The following EPYC variants were observed in gnomAD, a reference collection of about 807,000 sequenced individuals.
The protein encoded by EPYC is epiphycan, also known as dermatan sulfate proteoglycan 3.
EPYC carries 28 observed loss-of-function variants against 30.1 expected under a neutral mutation model. The ratio of observed to expected loss-of-function variants is 0.93; its 90% CI spans 0.69 to 1.28. EPYC has a LOEUF of 1.28. Among genes scored for constraint, EPYC ranks in the 50% most tolerant of loss-of-function variants. EPYC has a pLI of 0.00. For synonymous variants in EPYC, 144 were observed against 141.4 expected, an observed-to-expected ratio of 1.02 and a Z score of -0.13; for missense variants, 382 against 383.5, an observed-to-expected ratio of 1.00 and a Z score of 0.03.
chr12:90,983,809 T>C (rs1432228825), intron 2 of EPYC, among the ~76,000 whole-genome samples: 3 of 152,118 alleles, frequency 2.0e-5, no homozygotes, highest in Non-Finnish European at 4.4e-5. Context: ...ATAAGAATGA[T>C]TTCTAGCATA....
intron 2 of EPYC, among the ~76,000 whole-genome samples, chr12:90,997,821 C>T (rs1160684033): frequency 6.6e-6 from 1 of 152,048 alleles, no homozygotes; most frequent in African/African-American, 2.4e-5. Context: ...CTCTAGTTCA[C>T]ATTATCTACC....
intron 3 of EPYC, among the ~76,000 whole-genome samples, chr12:90,975,559 G>A (rs902024652): frequency 6.6e-6 from 1 of 151,792 alleles, no homozygotes; most frequent in Non-Finnish European, 1.5e-5. Flanking sequence ...TTCTTTAAAA[G>A]TCTTAGTTTT....
At chr12:90,980,213 C>T (rs1311760856) in intron 2 of EPYC, among the ~76,000 whole-genome samples, 1 of 152,082 alleles carries the variant, frequency 6.6e-6, no homozygotes, top group Non-Finnish European at 1.5e-5. Flanking sequence ...TGAATCTTAG[C>T]TTTATAAGAA....
At position 91,002,545 on chromosome 12, in the gene EPYC, A is replaced by C. The variant is rs1009066621; in HGVS notation, c.21T>G (p.Leu7=). 9.3e-6 allele frequency: 15 copies of C among 1,611,348 alleles called. No homozygotes were observed. Among genetic ancestry groups the C allele is most frequent in the Non-Finnish European group, 1.3e-5 (15 of 1,179,110 alleles). The change falls in exon 2 of 7, where the codon CTT becomes CTG. Residue 7 remains leucine, a synonymous_variant. Transcript: ENST00000261172. ...CATCAAAGATGACAAGTCCCAGAAC[A>C]AGTCCTGCTAATGTCTTCATTTTTC... The part of the protein sequence containing the change: MKTLAG[L]VLGLVIFDAA...
chr12:90,994,008 A>G (rs1246374849), intron 2 of EPYC, among the ~76,000 whole-genome samples: 1 of 152,166 alleles, frequency 6.6e-6, no homozygotes, highest in Non-Finnish European at 1.5e-5. Context: ...ACATTCCAAT[A>G]GATAGCTACA....
intron 2 of EPYC, among the ~76,000 whole-genome samples, chr12:90,990,772 A>G (rs1877565053): frequency 6.6e-6 from 1 of 152,106 alleles, no homozygotes; most frequent in South Asian, 2.1e-4. Flanking sequence ...ATTAGCTCTC[A>G]TGAGTTTTTG....
chr12:91,000,859 A>T (rs1437598369), intron 2 of EPYC, among the ~76,000 whole-genome samples: 1 of 152,128 alleles, frequency 6.6e-6, no homozygotes, highest in Non-Finnish European at 1.5e-5. Context: ...TAACCACTGA[A>T]AAACTTTCAT....
Position 90,972,807 on chromosome 12 carries a change from T to A in EPYC, c.499+15A>T. On this transcript the variant is annotated intron_variant, in intron 4 of 6. Transcript: ENST00000261172. ...TGTGTAAAGCGGTGAAGGCCGTTAA[T>A]GCTGTCATCCATACTTAGGCTTGCA... The A allele has an allele frequency of 6.2e-7, 1 of 1,611,388 alleles. No individual in the cohort carries two copies. The highest frequency in any genetic ancestry group is 8.5e-7 in the Non-Finnish European group (1 of 1,178,270).
chr12:90,982,266 TG>T (rs1319579429), intron 2 of EPYC, among the ~76,000 whole-genome samples: 4 of 151,712 alleles, frequency 2.6e-5, no homozygotes, highest in African/African-American at 9.7e-5. Flanking sequence ...GTAGTAAGAA[TG>T]GAATCTTTTA....
intron 5 of EPYC, among the ~76,000 whole-genome samples, chr12:90,971,147 A>G (rs2120802792): frequency 6.6e-6 from 1 of 152,266 alleles, no homozygotes; most frequent in East Asian, 1.9e-4. Flanking sequence ...TTCTGAGTGT[A>G]GGGTCTGATC....
At position 90,963,931 on chromosome 12, in the gene EPYC, C is replaced by T. The variant is rs370565821; in HGVS notation, c.*225G>A. On this transcript the variant is annotated 3_prime_UTR_variant, in exon 7 of 7. Transcript: ENST00000261172. The stretch of plus-strand genomic sequence containing the variant: ...AGAACATGTGTGAAATATTTTCTAT[C>T]ACTTAGTTTTGCTCTTTTTGTAAAT... 2 of 353,660 alleles carry T rather than the reference C, an allele frequency of 5.7e-6. No homozygotes were observed. Among genetic ancestry groups the T allele is most frequent in the Admixed American group, 4.3e-5 (1 of 23,152 alleles). The allele number at this position is 353,660 out of a possible 1,614,324, so 21.9% of individuals were successfully genotyped here. A position where few individuals can be genotyped will look rare whatever the true frequency, so the allele number is the denominator to read the frequency against.
At chr12:90,964,835 A>G (rs2120787495) in intron 6 of EPYC, among the ~76,000 whole-genome samples, 1 of 152,252 alleles carries the variant, frequency 6.6e-6, no homozygotes, top group East Asian at 1.9e-4. Flanking sequence ...GGGAGCAAAT[A>G]TCCGGAAGAT....
chr12:90,974,029 TACACACACTC>T (rs1434475125), intron 3 of EPYC, among the ~76,000 whole-genome samples: 99 of 81,112 alleles, frequency 1.2e-3, no homozygotes, highest in African/African-American at 3.7e-3. Flanking sequence ...TTTTCTGTCT[TACACACACTC>T]ACACACACAC....
chr12:91,002,492 G>A lies in EPYC; in HGVS notation c.74C>T (p.Ser25Phe), dbSNP rs142841602. 8 of 1,613,324 alleles carry A rather than the reference G, an allele frequency of 5.0e-6. No individual in the cohort carries two copies. The highest frequency in any genetic ancestry group is 5.9e-6 in the Non-Finnish European group (7 of 1,179,594). Reference sequence around the variant, plus strand: ...ATAGGTTTCTGAGTCATAGTTGATGGACTCTAGAGTTGGGGCAGTCACAGC... The same window carrying A: ...ATAGGTTTCTGAGTCATAGTTGATGAACTCTAGAGTTGGGGCAGTCACAGC... ...DAAVTAPTLESINYDSETYDA... is the reference protein window; with the variant it reads ...DAAVTAPTLEFINYDSETYDA... The change falls in exon 2 of 7, where the codon TCC (serine) becomes TTC (phenylalanine). Residue 25 changes from serine (S) to phenylalanine (F), a missense_variant. Coordinates refer to ENST00000261172, the MANE Select transcript of EPYC (RefSeq NM_004950.5).
chr12:90,964,458 A>T, intron 6 of EPYC, 132 bp from the exon 7 acceptor site: 2 of 593,012 alleles, frequency 3.4e-6, no homozygotes, highest in Non-Finnish European at 5.5e-6. Flanking sequence ...CTTAATGTAT[A>T]TGCCAAGCAC....
At chr12:90,997,567 A>T (rs907474789) in intron 2 of EPYC, among the ~76,000 whole-genome samples, 1 of 152,112 alleles carries the variant, frequency 6.6e-6, no homozygotes, top group Non-Finnish European at 1.5e-5. Context: ...CACCTTCATC[A>T]AAAAGACTAT....
chr12:90,978,006 G>T, intron 3 of EPYC, 82 bp downstream of exon 3: 2 of 1,287,792 alleles, frequency 1.6e-6, no homozygotes, highest in Non-Finnish European at 2.1e-6. Flanking sequence ...CATGTCATGT[G>T]GTTTCCCTGT....
intron 6 of EPYC, among the ~76,000 whole-genome samples, chr12:90,967,964 T>C (rs538075329): frequency 6.6e-6 from 1 of 152,196 alleles, no homozygotes; most frequent in African/African-American, 2.4e-5. Context: ...AGCAAGACCC[T>C]TTCTATAAAA....
At chr12:90,991,126 C>T (rs930629517) in intron 2 of EPYC, among the ~76,000 whole-genome samples, 1 of 152,038 alleles carries the variant, frequency 6.6e-6, no homozygotes, top group South Asian at 2.1e-4. Flanking sequence ...CTCAAACGTG[C>T]CAAGGAATGG....
Sources: allele counts gnomAD v4.1 joint callset (sites outside exome capture counted in the v4.1 genomes callset), GRCh38; gene constraint gnomAD v4.1.1; transcripts MANE v1.5; gene names NCBI Gene and HGNC (gene_info 2026-07-23, HGNC 2026-07-21).